Variants in ROBO2 observed in about 807,000 individuals in gnomAD.
ROBO2 encodes the protein roundabout homolog 2.
In ROBO2, 53 loss-of-function variants were observed where a neutral mutation model predicts 160.8. The observed-to-expected ratio is 0.33, with a 90% CI of 0.26 to 0.41. The LOEUF is 0.41. ROBO2 is among the 10% of genes least tolerant of loss of function. The pLI is 1.00. For synonymous variants in ROBO2, 664 were observed against 611.7 expected, an observed-to-expected ratio of 1.09 and a Z score of -1.26; for missense variants, 1,577 against 1,722.4, an observed-to-expected ratio of 0.92 and a Z score of 1.49.
intron 2 of ROBO2, among the ~76,000 whole-genome samples, chr3:76,830,146 A>G (rs911722526): frequency 9.2e-5 from 14 of 152,182 alleles, no homozygotes; most frequent in African/African-American, 3.4e-4. Flanking sequence ...AATGGTTTCC[A>G]GAACAGCTAC....
chr3:77,186,186 T>G (rs1048729314), intron 2 of ROBO2, among the ~76,000 whole-genome samples: 1 of 151,856 alleles, frequency 6.6e-6, no homozygotes, highest in Non-Finnish European at 1.5e-5. Context: ...GAAATAAGTT[T>G]TTTTTTTTAA....
chr3:76,471,451 C>T (rs2078651638), intron 2 of ROBO2, among the ~76,000 whole-genome samples: 1 of 152,090 alleles, frequency 6.6e-6, no homozygotes, highest in Non-Finnish European at 1.5e-5. Flanking sequence ...CTATCTATAA[C>T]ACACTGCCTT....
chr3:75,963,755 C>T (rs658015), intron 2 of ROBO2, among the ~76,000 whole-genome samples: 137,130 of 151,670 alleles, frequency 0.9, 63,184 homozygotes, highest in East Asian at 1. Context: ...CTGAGGACCA[C>T]GATGGAAGGA....
intron 2 of ROBO2, among the ~76,000 whole-genome samples, chr3:76,335,233 G>A (rs1339553681): frequency 7.3e-6 from 1 of 136,474 alleles, no homozygotes; most frequent in Non-Finnish European, 1.5e-5. Context: ...CCAGGCTGGA[G>A]TGCAGTGGCG....
At chr3:76,813,035 C>CT (rs991287865) in intron 2 of ROBO2, among the ~76,000 whole-genome samples, 24 of 148,530 alleles carry the variant, frequency 1.6e-4, no homozygotes, top group African/African-American at 5.9e-4. Flanking sequence ...TACTGGCACA[C>CT]TTACTGAGCA....
intron 2 of ROBO2, among the ~76,000 whole-genome samples, chr3:76,772,457 A>C (rs770160126): frequency 6.7e-6 from 1 of 148,510 alleles, no homozygotes; most frequent in Admixed American, 6.7e-5. Flanking sequence ...CTACTAGGTA[A>C]AGTTTTCCAT....
In ROBO2 at chr3:76,536,214, G is replaced by A. The variant is rs372411222; in HGVS notation, c.110-561800G>A. On this transcript the variant is annotated intron_variant, in intron 2 of 26. Transcript: ENST00000487694. ...AGGCGTGGCTGAGGTTTGTCTTACA[G>A]CGGAGGCAAGCAGTTGCAGCTCAGA... Among the ~76,000 whole-genome samples the A allele has an allele frequency of 2.7e-4, 41 of 152,336 alleles. 2 individuals are homozygous for A. Among genetic ancestry groups the A allele is most frequent in the South Asian group, 2.7e-3 (13 of 4,834 alleles).
At chr3:77,534,391 G>A (rs556621954) in intron 6 of ROBO2, among the ~76,000 whole-genome samples, 2 of 151,968 alleles carry the variant, frequency 1.3e-5, no homozygotes, top group South Asian at 4.2e-4. Context: ...AAATACTTAG[G>A]CCCAAAACGG....
intron 2 of ROBO2, among the ~76,000 whole-genome samples, chr3:76,448,845 T>C (rs895854178): frequency 2.0e-5 from 3 of 152,056 alleles, no homozygotes; most frequent in Non-Finnish European, 4.4e-5. Context: ...GTACCCACGG[T>C]TGTGCTAGTA....
At chr3:76,446,044 A>C (rs555361617) in intron 2 of ROBO2, among the ~76,000 whole-genome samples, 85 of 152,258 alleles carry the variant, frequency 5.6e-4, no homozygotes, top group African/African-American at 2.0e-3. Context: ...GGCCAGGGCA[A>C]TCAGGCAGGA....
chr3:77,563,286 C>T, exon 11 of ROBO2: 6 of 1,613,560 alleles, frequency 3.7e-6, no homozygotes, highest in Non-Finnish European at 5.1e-6. Flanking sequence ...GCCAGGTACC[C>T]CTGGAACCCT....
intron 2 of ROBO2, among the ~76,000 whole-genome samples, chr3:77,365,555 C>G (rs1041467784): frequency 6.6e-6 from 1 of 152,148 alleles, no homozygotes; most frequent in African/African-American, 2.4e-5. Context: ...ATTCCTACAA[C>G]TAGACTCAAA....
intron 2 of ROBO2, among the ~76,000 whole-genome samples, chr3:76,085,883 G>T (rs918887117): frequency 6.6e-6 from 1 of 152,174 alleles, no homozygotes; most frequent in Non-Finnish European, 1.5e-5. Flanking sequence ...GTTCCTCATA[G>T]TGAATATTGG....
rs1230342221 is a variant in ROBO2 at position 76,704,882 on chromosome 3, GATTA to G, written c.110-393116_110-393113del. On this transcript the variant is annotated intron_variant, in intron 2 of 26. Coordinates refer to the ROBO2 transcript ENST00000487694. ...AAAGCCTTATAATGAAGGTGTTTTT[GATTA>G]ATTAATTAATTAATTTATTTTGCAT... Among the ~76,000 whole-genome samples the G allele has an allele frequency of 4.6e-5, 7 of 152,084 alleles. No individual in the cohort carries two copies. In the East Asian group the frequency reaches 7.7e-4, roughly 17 times the overall value.
intron 2 of ROBO2, among the ~76,000 whole-genome samples, chr3:76,383,738 A>G (rs896310248): frequency 3.9e-5 from 6 of 152,230 alleles, no homozygotes; most frequent in African/African-American, 1.4e-4. Flanking sequence ...AACAAAAAAC[A>G]AAAAACAAAG....
intron 2 of ROBO2, among the ~76,000 whole-genome samples, chr3:76,858,522 T>C (rs2070385627): frequency 6.6e-6 from 1 of 152,196 alleles, no homozygotes; most frequent in Non-Finnish European, 1.5e-5. Context: ...CCTTGGCTTC[T>C]TAAAGTCCTA....
At chr3:76,048,008 G>A (rs1222599765) in intron 2 of ROBO2, among the ~76,000 whole-genome samples, 3 of 152,122 alleles carry the variant, frequency 2.0e-5, no homozygotes, top group Non-Finnish European at 4.4e-5. Flanking sequence ...TCAGTGCATT[G>A]CTGCTGAATA....
At chr3:77,569,025 G>C (rs957189853) in intron 13 of ROBO2, among the ~76,000 whole-genome samples, 3 of 151,898 alleles carry the variant, frequency 2.0e-5, no homozygotes, top group African/African-American at 7.3e-5. Context: ...TCCATTTTAT[G>C]GATACTTCAC....
At chr3:77,461,598 CAT>C (rs2082249041) in intron 2 of ROBO2, among the ~76,000 whole-genome samples, 1 of 151,530 alleles carries the variant, frequency 6.6e-6, no homozygotes, top group Non-Finnish European at 1.5e-5. Flanking sequence ...ATATAAAAGA[CAT>C]AGCATATCAA....
Sources: allele counts gnomAD v4.1 joint callset (sites outside exome capture counted in the v4.1 genomes callset), GRCh38; gene constraint gnomAD v4.1.1; transcripts MANE v1.5; gene names NCBI Gene and HGNC (gene_info 2026-07-23, HGNC 2026-07-21).